RAB18: variants seen among roughly 807,000 people sequenced by gnomAD.
The protein encoded by RAB18 is ras-related protein Rab-18.
A neutral mutation model predicts 28.5 loss-of-function variants in RAB18; 10 were observed. The observed-to-expected ratio is 0.35, with a 90% CI of 0.22 to 0.60. The LOEUF (loss-of-function observed/expected upper bound fraction) is 0.60, where lower values mean the gene tolerates loss of function less well. Among genes scored for constraint, RAB18 ranks in the 20% least tolerant of loss-of-function variants. The probability of loss-of-function intolerance (pLI) is 0.78; values close to 1 mark genes in which losing one functional copy is unlikely to be tolerated. For missense variants in RAB18, 188 were observed against 244.2 expected, an observed-to-expected ratio of 0.77 and a Z score of 1.53; for synonymous variants, 93 against 86.9, an observed-to-expected ratio of 1.07 and a Z score of -0.39.
chr10:27,530,520 T>C (rs1834766673), intron 3 of RAB18, among the ~76,000 whole-genome samples: 1 of 151,996 alleles, frequency 6.6e-6, no homozygotes, highest in South Asian at 2.1e-4. Flanking sequence ...ATCTGGATAC[T>C]GAATAATTTG....
At position 27,533,921 on chromosome 10, in the gene RAB18, A is replaced by G; in HGVS notation, c.379-7A>G. 6.2e-7 allele frequency: 1 copy of G among 1,610,330 alleles called. No homozygotes were observed. The highest frequency in any genetic ancestry group is 8.5e-7 in the Non-Finnish European group (1 of 1,176,634). On this transcript the variant is annotated splice_polypyrimidine_tract_variant and splice_region_variant and intron_variant, in intron 5 of 6. Coordinates refer to ENST00000356940, the MANE Select transcript of RAB18 (RefSeq NM_021252.5). The stretch of plus-strand genomic sequence containing the variant: ...AGCCTTTCTTAATCATTGCATTTAT[A>G]TTTTAGGAAAATCGTGAAGTCGATA...
At chr10:27,505,684 C>T (rs1227341415) in intron 1 of RAB18, among the ~76,000 whole-genome samples, 1 of 152,116 alleles carries the variant, frequency 6.6e-6, no homozygotes, top group African/African-American at 2.4e-5. Flanking sequence ...TTCAGCCTCC[C>T]GAGTAGCTGG....
chr10:27,541,489 A>C lies in RAB18; in HGVS notation c.*3438A>C. 1 of 453,882 alleles carries C rather than the reference A, an allele frequency of 2.2e-6. No individual in the cohort carries two copies. 28.1% of individuals were successfully genotyped at this position (453,882 alleles called of 1,614,324 possible). On this transcript the variant is annotated 3_prime_UTR_variant, in exon 7 of 7. Coordinates refer to ENST00000356940, the MANE Select transcript of RAB18 (RefSeq NM_021252.5). ...AATCAGTCATGTTTCTGATTGTGGT[A>C]TAAAGTTTGCTTAAGTGCCCCTTAG...
chr10:27,504,454 G>T lies in RAB18; in HGVS notation c.68+17G>T. On this transcript the variant is annotated intron_variant, in intron 1 of 6. Coordinates refer to ENST00000356940, the MANE Select transcript of RAB18 (RefSeq NM_021252.5). ...CAAGTCCAGGTGAGGCGGAGGTGCG[G>T]GTCGTGACGAGGGTGGCTGGGCTCT... 6.4e-7 allele frequency: 1 copy of T among 1,558,690 alleles called. No homozygotes were observed. Among genetic ancestry groups the T allele is most frequent in the East Asian group, 2.4e-5 (1 of 42,190 alleles).
intron 4 of RAB18, among the ~76,000 whole-genome samples, chr10:27,532,822 T>G (rs538517539): frequency 6.6e-6 from 1 of 152,240 alleles, no homozygotes; most frequent in Admixed American, 6.5e-5. Context: ...AATGAGAACG[T>G]AATTGAGGAT....
intron 3 of RAB18, chr10:27,531,630 C>A: frequency 1.3e-6 from 1 of 780,532 alleles, no homozygotes; most frequent in Non-Finnish European, 2.3e-6. Context: ...GCAAATAGGC[C>A]TGCTGTGTTT....
intron 6 of RAB18, 80 bp from the exon 7 acceptor site, chr10:27,537,796 C>T: frequency 1.6e-6 from 2 of 1,249,762 alleles, no homozygotes; most frequent in South Asian, 1.3e-5. Context: ...GATATTTATG[C>T]CCTGATAGTT....
intron 2 of RAB18, among the ~76,000 whole-genome samples, chr10:27,514,843 C>T (rs1272564139): frequency 6.6e-6 from 1 of 151,594 alleles, no homozygotes; most frequent in Non-Finnish European, 1.5e-5. Flanking sequence ...AAACATAGCT[C>T]ACTCCAGCCT....
At chr10:27,531,573 G>A (rs1834788914) in intron 3 of RAB18, 3 of 1,301,722 alleles carry the variant, frequency 2.3e-6, no homozygotes, top group Non-Finnish European at 3.3e-6. Context: ...TAAAGAGCCA[G>A]ATAGGAAATA....
At chr10:27,505,706 C>G (rs1316514294) in intron 1 of RAB18, among the ~76,000 whole-genome samples, 1 of 152,072 alleles carries the variant, frequency 6.6e-6, no homozygotes, top group Non-Finnish European at 1.5e-5. Flanking sequence ...ACTACAGGCG[C>G]GCACTATCAT....
At chr10:27,526,961 A>C in intron 3 of RAB18, 72 bp downstream of exon 3, 2 of 1,457,972 alleles carry the variant, frequency 1.4e-6, no homozygotes, top group Non-Finnish European at 1.9e-6. Flanking sequence ...TGATTTGTGT[A>C]GTGTTCTAGA....
At chr10:27,532,655 A>G in intron 4 of RAB18, 76 bp downstream of exon 4, 1 of 1,180,176 alleles carries the variant, frequency 8.5e-7, no homozygotes, top group Non-Finnish European at 1.2e-6. Flanking sequence ...GAAAGTTAAT[A>G]TGTCTTTGTT....
At chr10:27,517,904 G>C (rs2132382632) in intron 2 of RAB18, among the ~76,000 whole-genome samples, 1 of 151,794 alleles carries the variant, frequency 6.6e-6, no homozygotes, top group East Asian at 1.9e-4. Flanking sequence ...CTGGTCTCTA[G>C]TTTTATCTTT....
intron 2 of RAB18, among the ~76,000 whole-genome samples, chr10:27,522,237 CTTCTG>C (rs994802569): frequency 6.6e-5 from 10 of 151,986 alleles, no homozygotes; most frequent in Non-Finnish European, 1.3e-4. Context: ...ATATATTGGA[CTTCTG>C]TTCTGTGGTG....
intron 3 of RAB18, among the ~76,000 whole-genome samples, chr10:27,528,639 A>C (rs1834727636): frequency 6.6e-6 from 1 of 152,084 alleles, no homozygotes; most frequent in Non-Finnish European, 1.5e-5. Flanking sequence ...TACTTTAGTC[A>C]GCCTTCAGTG....
intron 3 of RAB18, among the ~76,000 whole-genome samples, chr10:27,529,724 C>A (rs910537940): frequency 6.6e-6 from 1 of 151,962 alleles, no homozygotes; most frequent in African/African-American, 2.4e-5. Context: ...ATTATACCTA[C>A]CACATATTCC....
At chr10:27,519,605 A>G (rs1246460955) in intron 2 of RAB18, among the ~76,000 whole-genome samples, 1 of 152,178 alleles carries the variant, frequency 6.6e-6, no homozygotes, top group Non-Finnish European at 1.5e-5. Flanking sequence ...ACCCAGGGCT[A>G]AATTTACCGA....
In RAB18 at chr10:27,540,479, C is replaced by A. The variant is rs1239773927; in HGVS notation, c.*2428C>A. The A allele has an allele frequency of 1.1e-5, 5 of 453,922 alleles. No individual in the cohort carries two copies. In the Admixed American group the frequency reaches 1.2e-4, roughly 11 times the overall value. The allele number at this position is 453,922 out of a possible 1,614,324, so 28.1% of individuals were successfully genotyped here. On this transcript the variant is annotated 3_prime_UTR_variant, in exon 7 of 7. Coordinates refer to ENST00000356940, the MANE Select transcript of RAB18 (RefSeq NM_021252.5). ...AGGCAGTTCCACTATTTCTTTATCA[C>A]TCTTTTGTTATATGTAATAGAAGTA...
intron 4 of RAB18, among the ~76,000 whole-genome samples, chr10:27,533,381 C>A (rs1053623926): frequency 6.6e-6 from 1 of 150,928 alleles, no homozygotes; most frequent in East Asian, 1.9e-4. Flanking sequence ...TAATATTTTG[C>A]CACAGATTTG....
Sources: gnomAD v4.1 joint callset for allele counts (sites outside exome capture counted in the v4.1 genomes callset) on GRCh38, gnomAD v4.1.1 for gene constraint, MANE v1.5 for transcripts, NCBI Gene and HGNC (gene_info 2026-07-23, HGNC 2026-07-21) for gene names.